Variants in SCAI observed in about 807,000 individuals in gnomAD.
SCAI encodes suppressor of cancer cell invasion, also known as protein SCAI.
SCAI carries 24 observed loss-of-function variants against 92.2 expected under a neutral mutation model. The ratio of observed to expected loss-of-function variants is 0.26; its 90% CI spans 0.19 to 0.37. The LOEUF (loss-of-function observed/expected upper bound fraction) is 0.37. Among genes scored for constraint, SCAI ranks in the 10% least tolerant of loss-of-function variants. SCAI has a pLI of 1.00. For missense variants in SCAI, 450 were observed against 736.2 expected (o/e 0.61, Z 4.50); for synonymous variants, 261 against 258.6 (o/e 1.01, Z -0.09).
intron 2 of SCAI, among the ~76,000 whole-genome samples, chr9:125,082,918 T>C (rs1180909898): frequency 1.3e-5 from 2 of 152,246 alleles, no homozygotes; most frequent in Non-Finnish European, 2.9e-5. Context: ...AACTTTGGAC[T>C]TTTGAGTTAA....
At chr9:124,995,100 C>T in intron 13 of SCAI, 85 bp from the exon 14 acceptor site, 2 of 963,288 alleles carry the variant, frequency 2.1e-6, no homozygotes, top group South Asian at 2.9e-5. Context: ...GCTCATATCT[C>T]CTTTGCATCA....
Position 124,968,283 on chromosome 9 carries a change from C to A in SCAI, c.1674+3087G>T. ...TGACAGCTTTTAATATCCTTAAAAC[C>A]GGGCTGGGCATCAAGCGTCTTCTCC... On this transcript the variant is annotated intron_variant, in intron 17 of 17. Coordinates refer to ENST00000336505, the MANE Select transcript of SCAI (RefSeq NM_001144877.3). 4.3e-6 allele frequency: 5 copies of A among 1,152,898 alleles called. 1 individual carries two copies. In the Admixed American group the frequency reaches 5.1e-5, roughly 12 times the overall value. The allele number at this position is 1,152,898 out of a possible 1,614,324, so 71.4% of individuals were successfully genotyped here.
chr9:124,993,834 C>T (rs1832183720), intron 14 of SCAI, among the ~76,000 whole-genome samples: 2 of 152,056 alleles, frequency 1.3e-5, no homozygotes, highest in South Asian at 2.1e-4. Context: ...GTTTGCTTCT[C>T]CCTCTAACTG....
At chr9:124,959,591 T>G (rs2131576651) in intron 17 of SCAI, among the ~76,000 whole-genome samples, 1 of 151,492 alleles carries the variant, frequency 6.6e-6, no homozygotes, top group South Asian at 2.1e-4. Context: ...CCATGCAGGT[T>G]TGTTACATAT....
At chr9:125,003,963 G>C (rs1832418569) in intron 9 of SCAI, among the ~76,000 whole-genome samples, 1 of 152,068 alleles carries the variant, frequency 6.6e-6, no homozygotes, top group African/African-American at 2.4e-5. Context: ...ATCACCTGAG[G>C]TCAGGAGTTC....
intron 2 of SCAI, among the ~76,000 whole-genome samples, chr9:125,097,866 A>C (rs1451572565): frequency 1.3e-5 from 2 of 151,754 alleles, no homozygotes; most frequent in Non-Finnish European, 2.9e-5. Flanking sequence ...ATATTTCAAC[A>C]CCAACATTAT....
chr9:125,069,370 T>C (rs1833933198), intron 2 of SCAI, among the ~76,000 whole-genome samples: 1 of 149,676 alleles, frequency 6.7e-6, no homozygotes, highest in African/African-American at 2.5e-5. Context: ...CAGGCTGGAG[T>C]CCAGTGGCGT....
At chr9:125,000,619 T>C (rs1171301091) in intron 12 of SCAI, among the ~76,000 whole-genome samples, 1 of 150,884 alleles carries the variant, frequency 6.6e-6, no homozygotes, top group Non-Finnish European at 1.5e-5. Flanking sequence ...AAAAAAGAAG[T>C]TGCAGAATAA....
At chr9:125,031,418 C>G (rs944305117) in intron 3 of SCAI, among the ~76,000 whole-genome samples, 2 of 152,020 alleles carry the variant, frequency 1.3e-5, no homozygotes, top group Admixed American at 6.5e-5. Flanking sequence ...CCTGCCACCA[C>G]GCCCGGCTAA....
At chr9:124,991,729 T>A (rs890028440) in intron 14 of SCAI, among the ~76,000 whole-genome samples, 1 of 150,200 alleles carries the variant, frequency 6.7e-6, no homozygotes, top group African/African-American at 2.5e-5. Context: ...CCCAGCTACT[T>A]GGGAGGCTGA....
intron 17 of SCAI, among the ~76,000 whole-genome samples, chr9:124,955,146 C>G (rs1351698063): frequency 7.2e-6 from 1 of 139,814 alleles, no homozygotes; most frequent in African/African-American, 2.7e-5. Context: ...CCAGCCTAGG[C>G]GACAGAGCGA....
intron 17 of SCAI, among the ~76,000 whole-genome samples, chr9:124,959,239 C>T (rs988985082): frequency 6.9e-6 from 1 of 144,256 alleles, no homozygotes; most frequent in African/African-American, 2.6e-5. Flanking sequence ...CACATGTACC[C>T]TAAAACTTAA....
rs188816728 is a variant in SCAI at position 124,946,728 on chromosome 9, T to C, written c.*6079A>G. The C allele has an allele frequency of 3.3e-5, 5 of 152,328 alleles. No homozygotes were observed. Among genetic ancestry groups the C allele is most frequent in the South Asian group, 2.1e-4 (1 of 4,834 alleles). 9.4% of individuals were successfully genotyped at this position (152,328 alleles called of 1,614,324 possible). On this transcript the variant is annotated 3_prime_UTR_variant, in exon 18 of 18. Coordinates refer to ENST00000336505, the MANE Select transcript of SCAI (RefSeq NM_001144877.3). The surrounding 1 kb of genome is among the most constrained non-coding windows in gnomAD (Gnocchi z 4.0). ...GGAGAGGTTTGAAGGCCCAGATTTT[T>C]ATAGCACACCATGCATCTAATATTA...
rs1364381206 is a variant in SCAI, at chr9:124,971,770, A to G, written c.1474T>C (p.Leu492=). 2.5e-6 allele frequency: 4 copies of G among 1,612,546 alleles called. No homozygotes were observed. In the Admixed American group the frequency reaches 6.7e-5, roughly 27 times the overall value. Residue 492 remains leucine, a synonymous_variant, in exon 16 of 18, where the codon TTG becomes CTG. Transcript: ENST00000336505. Reference sequence around the variant, plus strand: ...CATAGGCCTCTGCGCATGCTTGACAATCCAGAGACAAATAGGAAGGCCATT... The same window carrying G: ...CATAGGCCTCTGCGCATGCTTGACAGTCCAGAGACAAATAGGAAGGCCATT... ...PLMAFLFVSG[L]SSMRRGLWEK... is the part of the protein sequence containing the mutation.
chr9:125,004,748 TATATATATATATATATATATATATATA>T (rs1832441847), intron 9 of SCAI, among the ~76,000 whole-genome samples: 3 of 14,002 alleles, frequency 2.1e-4, no homozygotes, highest in South Asian at 7.5e-3. Flanking sequence ...TATATATATA[TATATATATATATATATATATATATATA>T]TATATTTTTT....
intron 3 of SCAI, among the ~76,000 whole-genome samples, chr9:125,049,394 C>T (rs78488735): frequency 5.1e-4 from 78 of 152,268 alleles, no homozygotes; most frequent in African/African-American, 1.7e-3. Context: ...CATTCTGCTT[C>T]GACAGTCTTA....
intron 2 of SCAI, among the ~76,000 whole-genome samples, chr9:125,083,517 C>CAAAAA (rs560240303): frequency 6.1e-5 from 3 of 49,142 alleles, no homozygotes; most frequent in Non-Finnish European, 8.6e-5. Context: ...GACTCCATCT[C>CAAAAA]AAAAAAAAAA....
intron 3 of SCAI, among the ~76,000 whole-genome samples, chr9:125,034,816 G>A (rs576206267): frequency 6.6e-6 from 1 of 152,006 alleles, no homozygotes; most frequent in Non-Finnish European, 1.5e-5. Context: ...ACTTAAGGAT[G>A]AATTCATTTG....
intron 15 of SCAI, chr9:124,974,103 A>G (rs1433967063): frequency 3.4e-6 from 1 of 298,030 alleles, no homozygotes; most frequent in Admixed American, 4.3e-5. Context: ...CTGCCACAAG[A>G]CATTTGGCTC....
Sources: gnomAD v4.1 joint callset for allele counts (sites outside exome capture counted in the v4.1 genomes callset) on GRCh38, gnomAD v4.1.1 for gene constraint, Gnocchi (gnomAD v3.1) non-coding constraint, MANE v1.5 for transcripts, NCBI Gene and HGNC (gene_info 2026-07-23, HGNC 2026-07-21) for gene names.